Variants in MGAT4C observed in about 807,000 individuals in gnomAD.
MGAT4C encodes MGAT4 family member C.
A neutral mutation model predicts 40.1 loss-of-function variants in MGAT4C; 19 were observed. The ratio of observed to expected loss-of-function variants is 0.47; its 90% confidence interval spans 0.33 to 0.70. The LOEUF is 0.70. Among genes scored for constraint, MGAT4C ranks in the 30% least tolerant of loss-of-function variants. The pLI, the probability that MGAT4C is intolerant of heterozygous loss-of-function variation, is 0.02. For missense variants in MGAT4C, 491 were observed against 563.2 expected, an observed-to-expected ratio of 0.87 and a Z score of 1.30; for synonymous variants, 181 against 187.1, an observed-to-expected ratio of 0.97 and a Z score of 0.27.
Position 86,102,872 on chromosome 12 carries a change from A to G in MGAT4C, c.-56-53149T>C, listed in dbSNP as rs189782320. 5.9e-5 allele frequency among the ~76,000 whole-genome samples: 9 copies of G among 152,274 alleles called. No individual in the cohort carries two copies. In the East Asian group the frequency reaches 1.3e-3, roughly 23 times the overall value. On this transcript the variant is annotated intron_variant, in intron 1 of 4. Transcript: ENST00000611864. ...TTTTTAGAATAGCCATTTAAATTTA[A>G]TAATTCTTATTTTTTTTGCAACATG...
chr12:86,066,757 A>G (rs1483195248), intron 1 of MGAT4C, among the ~76,000 whole-genome samples: 3 of 152,198 alleles, frequency 2.0e-5, no homozygotes, highest in African/African-American at 7.2e-5. Context: ...AGAAACTTTT[A>G]TCAGAGTGAA....
At chr12:86,160,213 C>T (rs945148434) in intron 1 of MGAT4C, among the ~76,000 whole-genome samples, 5 of 151,900 alleles carry the variant, frequency 3.3e-5, no homozygotes, top group Non-Finnish European at 7.4e-5. Flanking sequence ...TTGCTGCATC[C>T]AAGAGATTTT....
chr12:86,649,611 C>T (rs1194805388), intron 2 of MGAT4C, among the ~76,000 whole-genome samples: 1 of 151,770 alleles, frequency 6.6e-6, no homozygotes. Context: ...ACAACATGTA[C>T]TTTTTATATA....
chr12:86,126,302 C>CAGCA (rs1182825876), intron 1 of MGAT4C, among the ~76,000 whole-genome samples: 3 of 151,604 alleles, frequency 2.0e-5, no homozygotes, highest in Non-Finnish European at 2.9e-5. Context: ...CATTAGAGCA[C>CAGCA]AGCAGATAAT....
intron 4 of MGAT4C, among the ~76,000 whole-genome samples, chr12:86,272,415 ATTGTTAT>A (rs1952972406): frequency 6.6e-6 from 1 of 152,152 alleles, no homozygotes; most frequent in Admixed American, 6.5e-5. Flanking sequence ...TAGAAGTAGA[ATTGTTAT>A]TTTTTTAAAG....
chr12:86,353,666 C>T (rs548849341), intron 3 of MGAT4C, among the ~76,000 whole-genome samples: 3 of 152,264 alleles, frequency 2.0e-5, no homozygotes, highest in Admixed American at 6.5e-5. Context: ...CAACTGGTAG[C>T]AATGATGGTG....
intron 1 of MGAT4C, among the ~76,000 whole-genome samples, chr12:86,204,487 A>T (rs533079177): frequency 5.3e-5 from 8 of 152,322 alleles, no homozygotes; most frequent in Middle Eastern, 3.4e-3. Flanking sequence ...AAACATTGAT[A>T]GACATATTAT....
chr12:86,416,987 C>CT (rs922572335), intron 3 of MGAT4C, among the ~76,000 whole-genome samples: 6 of 151,956 alleles, frequency 3.9e-5, no homozygotes, highest in African/African-American at 1.4e-4. Context: ...TGATTTCAGA[C>CT]TTTTTTTGCC....
chr12:86,092,866 A>T (rs945155523), intron 1 of MGAT4C, among the ~76,000 whole-genome samples: 1 of 151,660 alleles, frequency 6.6e-6, no homozygotes, highest in Non-Finnish European at 1.5e-5. Flanking sequence ...TCTTTTTTTT[A>T]TTATTATACT....
At chr12:86,356,114 C>A (rs1309280199) in intron 3 of MGAT4C, among the ~76,000 whole-genome samples, 1 of 151,744 alleles carries the variant, frequency 6.6e-6, no homozygotes, top group African/African-American at 2.4e-5. Context: ...GCAACCCCAA[C>A]CAAATATAAT....
chr12:86,264,458 G>C (rs933494349), intron 4 of MGAT4C, among the ~76,000 whole-genome samples: 12 of 152,118 alleles, frequency 7.9e-5, no homozygotes, highest in Non-Finnish European at 1.5e-4. Flanking sequence ...GCGAAGACGC[G>C]GGCTGCAGCG....
chr12:86,279,342 T>C (rs1953157353), intron 4 of MGAT4C, among the ~76,000 whole-genome samples: 1 of 152,176 alleles, frequency 6.6e-6, no homozygotes, highest in African/African-American at 2.4e-5. Context: ...TTACTTGTTA[T>C]TGGTCTGTTC....
chr12:86,341,979 A>C (rs1954915750), intron 3 of MGAT4C, among the ~76,000 whole-genome samples: 1 of 152,154 alleles, frequency 6.6e-6, no homozygotes, highest in Non-Finnish European at 1.5e-5. Flanking sequence ...GTGGACCCCC[A>C]GCGCAGCAGA....
intron 4 of MGAT4C, among the ~76,000 whole-genome samples, chr12:86,294,450 C>G (rs915224831): frequency 1.3e-5 from 2 of 152,084 alleles, no homozygotes; most frequent in Non-Finnish European, 2.9e-5. Context: ...CTGTCTAGCA[C>G]CACATGCCTC....
intron 4 of MGAT4C, among the ~76,000 whole-genome samples, chr12:86,332,015 TAA>T (rs747915979): frequency 2.0e-5 from 3 of 152,130 alleles, no homozygotes; most frequent in Non-Finnish European, 4.4e-5. Context: ...GGGACAAAAT[TAA>T]AAGAGTATAC....
At chr12:86,327,382 C>T (rs1200923377) in intron 4 of MGAT4C, among the ~76,000 whole-genome samples, 3 of 151,826 alleles carry the variant, frequency 2.0e-5, no homozygotes. Context: ...TTGATGCATA[C>T]TCAAACTTTC....
intron 2 of MGAT4C, among the ~76,000 whole-genome samples, chr12:86,014,593 C>A (rs895557899): frequency 6.6e-6 from 1 of 152,098 alleles, no homozygotes; most frequent in African/African-American, 2.4e-5. Flanking sequence ...CCTTTCAGGC[C>A]AGGCTTTCCC....
At chr12:86,798,693 G>C (rs1463840727) in intron 1 of MGAT4C, among the ~76,000 whole-genome samples, 1 of 151,768 alleles carries the variant, frequency 6.6e-6, no homozygotes, top group African/African-American at 2.4e-5. Context: ...GTATGCCATT[G>C]TAATAATGCT....
chr12:86,300,537 G>A (rs1953784123), intron 4 of MGAT4C, among the ~76,000 whole-genome samples: 2 of 152,040 alleles, frequency 1.3e-5, no homozygotes, highest in Admixed American at 1.3e-4. Flanking sequence ...AACAGAGAAG[G>A]GTGGTTCCTT....
Sources: allele counts gnomAD v4.1 joint callset (sites outside exome capture counted in the v4.1 genomes callset), GRCh38; gene constraint gnomAD v4.1.1; transcripts MANE v1.5; gene names NCBI Gene and HGNC (gene_info 2026-07-23, HGNC 2026-07-21).